LPIN1: variants seen among roughly 807,000 people sequenced by gnomAD.
The protein encoded by LPIN1 is lipin 1.
A neutral mutation model predicts 107.5 loss-of-function variants in LPIN1; 71 were observed. The ratio of observed to expected loss-of-function variants is 0.66; its 90% CI spans 0.55 to 0.80. The LOEUF is 0.80. Among genes scored for constraint, LPIN1 ranks in the 30% least tolerant of loss-of-function variants. The pLI is 0.00. For missense variants in LPIN1, 1,043 were observed against 1,160.6 expected (o/e 0.90, Z 1.47); for synonymous variants, 445 against 452.6 (o/e 0.98, Z 0.21).
At chr2:11,770,406 C>A (rs1671655291) in intron 3 of LPIN1, among the ~76,000 whole-genome samples, 1 of 152,168 alleles carries the variant, frequency 6.6e-6, no homozygotes, top group East Asian at 1.9e-4. Flanking sequence ...GGGGGTCTGC[C>A]TGGCTGCCCA....
chr2:11,750,037 C>T (rs1667550339), intron 1 of LPIN1, among the ~76,000 whole-genome samples: 1 of 152,238 alleles, frequency 6.6e-6, no homozygotes, highest in Admixed American at 6.5e-5. Context: ...GCATGGGAGA[C>T]ACAACCAACA....
At chr2:11,686,370 G>A (rs937440014) in intron 1 of LPIN1, among the ~76,000 whole-genome samples, 17 of 152,308 alleles carry the variant, frequency 1.1e-4, no homozygotes, top group Non-Finnish European at 7.3e-5. Context: ...AAAGTGGGTG[G>A]GCCCAAGAGC....
intron 17 of LPIN1, among the ~76,000 whole-genome samples, chr2:11,809,422 C>CT (rs201131224): frequency 0.02 from 3,005 of 148,146 alleles, 100 homozygotes; most frequent in African/African-American, 0.069. Flanking sequence ...TTGTTAGGGT[C>CT]TTTTTTTTTT....
upstream of LPIN1, chr2:11,677,591 G>T (rs1268304212): frequency 1.5e-6 from 2 of 1,305,380 alleles, no homozygotes; most frequent in Non-Finnish European, 2.1e-6. Context: ...TGTTGCCGGG[G>T]GACATTTCTC....
chr2:11,712,463 C>A (rs1036140084), intron 1 of LPIN1, among the ~76,000 whole-genome samples: 6 of 152,210 alleles, frequency 3.9e-5, no homozygotes, highest in African/African-American at 1.4e-4. Context: ...ACTTGTCTTC[C>A]TGCCCTCCAC....
At chr2:11,696,046 CTTTTTTTTTT>C (rs531347349) in intron 1 of LPIN1, among the ~76,000 whole-genome samples, 10 of 126,062 alleles carry the variant, frequency 7.9e-5, no homozygotes, top group African/African-American at 3.3e-4. Flanking sequence ...GCTGACTCTC[CTTTTTTTTTT>C]TTTTTTTTTT....
intron 1 of LPIN1, among the ~76,000 whole-genome samples, chr2:11,684,491 A>G (rs1340785100): frequency 6.6e-6 from 1 of 152,222 alleles, no homozygotes; most frequent in Non-Finnish European, 1.5e-5. Context: ...TTGTTTTTGA[A>G]GGAAGAACCA....
chr2:11,686,999 T>C (rs1662042210), intron 1 of LPIN1, among the ~76,000 whole-genome samples: 2 of 68,844 alleles, frequency 2.9e-5, no homozygotes, highest in African/African-American at 1.1e-4. Context: ...GATCCTTTTT[T>C]TTTTTTTTTT....
intron 14 of LPIN1, among the ~76,000 whole-genome samples, chr2:11,801,997 G>A (rs1052665423): frequency 1.3e-5 from 2 of 152,172 alleles, no homozygotes; most frequent in African/African-American, 4.8e-5. Context: ...CCTAGAGGAA[G>A]GTGCTGAGCC....
intron 17 of LPIN1, chr2:11,805,398 AG>A: frequency 1.7e-6 from 1 of 598,714 alleles, no homozygotes; most frequent in South Asian, 1.9e-5. Flanking sequence ...ATTGATTACT[AG>A]GAGAACACAG....
Position 11,803,563 on chromosome 2 carries a change from A to G in LPIN1, c.2013+530A>G, listed in dbSNP as rs370193579. ...ATCCCGTTGGTCATGGCCAGTGAGC[A>G]CCTGTCCTTGCTTTTTTGTGAATCA... On this transcript the variant is annotated intron_variant, in intron 15 of 20. Transcript: ENST00000674199. This position sits in a 1 kb window ranked among gnomAD's most constrained non-coding sequence, Gnocchi z 4.2. Among the ~76,000 whole-genome samples the G allele has an allele frequency of 9.9e-5, 15 of 152,102 alleles. No homozygotes were observed. In the East Asian group the frequency reaches 2.7e-3, roughly 27 times the overall value.
intron 1 of LPIN1, among the ~76,000 whole-genome samples, chr2:11,729,153 C>T (rs1035048626): frequency 5.3e-5 from 8 of 151,990 alleles, no homozygotes; most frequent in African/African-American, 9.7e-5. Context: ...TGTCGGGGAA[C>T]GGGGGCAAGA....
chr2:11,686,747 A>T (rs1356546291), intron 1 of LPIN1, among the ~76,000 whole-genome samples: 3 of 151,950 alleles, frequency 2.0e-5, no homozygotes, highest in African/African-American at 7.3e-5. Flanking sequence ...CTATGTGAGG[A>T]CCCATGAATA....
At chr2:11,809,878 C>T (rs965691199) in intron 17 of LPIN1, among the ~76,000 whole-genome samples, 2 of 152,190 alleles carry the variant, frequency 1.3e-5, no homozygotes, top group Admixed American at 6.5e-5. Flanking sequence ...ATCCCAGAAG[C>T]GGCAGCCATT....
upstream of LPIN1, among the ~76,000 whole-genome samples, chr2:11,744,834 G>T (rs1666731758): frequency 6.6e-6 from 1 of 152,100 alleles, no homozygotes; most frequent in South Asian, 2.1e-4. Flanking sequence ...TTGAAACTCT[G>T]GTCTCTGAGA....
At chr2:11,736,771 A>G (rs1171422505) in intron 1 of LPIN1, among the ~76,000 whole-genome samples, 4 of 152,190 alleles carry the variant, frequency 2.6e-5, no homozygotes, top group Admixed American at 2.6e-4. Context: ...CATCTCATCT[A>G]TTCTCTTAGA....
At chr2:11,699,028 G>C (rs983162996) in intron 1 of LPIN1, among the ~76,000 whole-genome samples, 1 of 152,106 alleles carries the variant, frequency 6.6e-6, no homozygotes, top group South Asian at 2.1e-4. Context: ...CTTTGTAAAC[G>C]TTCTTAAAAT....
At chr2:11,767,914 T>C in intron 3 of LPIN1, 56 bp downstream of exon 3, 1 of 1,104,078 alleles carries the variant, frequency 9.1e-7, no homozygotes, top group Non-Finnish European at 1.4e-6. Context: ...TGAGTAATGG[T>C]TATCTGGAAA....
At chr2:11,681,261 T>C (rs1259652133) in intron 1 of LPIN1, among the ~76,000 whole-genome samples, 1 of 152,192 alleles carries the variant, frequency 6.6e-6, no homozygotes, top group African/African-American at 2.4e-5. Context: ...CCGCCTGATA[T>C]GGTTTGGATG....
Sources: gnomAD v4.1 joint callset for allele counts (sites outside exome capture counted in the v4.1 genomes callset) on GRCh38, gnomAD v4.1.1 for gene constraint, Gnocchi (gnomAD v3.1) non-coding constraint, MANE v1.5 for transcripts, NCBI Gene and HGNC (gene_info 2026-07-23, HGNC 2026-07-21) for gene names.